The following CDH20 variants were observed in gnomAD, a reference collection of about 807,000 sequenced individuals.
The protein encoded by CDH20 is cadherin 20, also known as cadherin-20.
CDH20 carries 29 observed loss-of-function variants against 74.2 expected under a neutral mutation model. That is an observed-to-expected ratio of 0.39 (90% CI 0.29 to 0.53). CDH20 has a LOEUF of 0.53. Ranked by LOEUF, CDH20 falls within the 20% of genes least tolerant of loss-of-function variation. CDH20 has a pLI of 0.69. For synonymous variants in CDH20, 469 were observed against 405.4 expected, an observed-to-expected ratio of 1.16 and a Z score of -1.88; for missense variants, 988 against 1,048.3, an observed-to-expected ratio of 0.94 and a Z score of 0.79.
At chr18:61,477,169 T>C (rs60227458) in intron 1 of CDH20, among the ~76,000 whole-genome samples, 1,916 of 152,278 alleles carry the variant, frequency 0.013, 44 homozygotes, top group African/African-American at 0.044. Flanking sequence ...CTGCAGTCTC[T>C]AGGTCAAATA....
At chr18:61,422,746 T>C (rs917629192) in intron 1 of CDH20, among the ~76,000 whole-genome samples, 1 of 150,930 alleles carries the variant, frequency 6.6e-6, no homozygotes, top group Non-Finnish European at 1.5e-5. Context: ...TTGTTAAATG[T>C]TTTAAATATA....
intron 6 of CDH20, among the ~76,000 whole-genome samples, chr18:61,521,617 C>T (rs575793684): frequency 6.6e-6 from 1 of 151,258 alleles, no homozygotes; most frequent in Non-Finnish European, 1.5e-5. Flanking sequence ...AGAGACACAA[C>T]AAAAAAAGAA....
chr18:61,354,062 AAAAAG>A (rs1427327351), intron 1 of CDH20, among the ~76,000 whole-genome samples: 4 of 151,936 alleles, frequency 2.6e-5, no homozygotes, highest in South Asian at 2.1e-4. Context: ...AAAGAAAAAG[AAAAAG>A]AAAAGAAAAA....
At chr18:61,539,955 T>C (rs1359568763) in intron 9 of CDH20, among the ~76,000 whole-genome samples, 1 of 152,244 alleles carries the variant, frequency 6.6e-6, no homozygotes, top group Non-Finnish European at 1.5e-5. Flanking sequence ...GTGTATTTTT[T>C]AAGTATGCCC....
intron 1 of CDH20, among the ~76,000 whole-genome samples, chr18:61,461,319 TG>T (rs1218669736): frequency 7.6e-6 from 1 of 131,170 alleles, no homozygotes; most frequent in Admixed American, 7.6e-5. Context: ...TACCACAAGC[TG>T]GGTGACTTAA....
chr18:61,438,149 A>G (rs901913239), intron 1 of CDH20, among the ~76,000 whole-genome samples: 3 of 152,106 alleles, frequency 2.0e-5, no homozygotes, highest in African/African-American at 7.2e-5. Flanking sequence ...ACCTATGGCT[A>G]GTCCACCTAC....
intron 1 of CDH20, among the ~76,000 whole-genome samples, chr18:61,349,742 G>T (rs1910244183): frequency 1.3e-5 from 2 of 150,460 alleles, no homozygotes; most frequent in South Asian, 4.2e-4. Context: ...CTTCTAAATT[G>T]TCACATGCAA....
At chr18:61,544,559 G>A (rs1343820672) in intron 9 of CDH20, among the ~76,000 whole-genome samples, 3 of 152,186 alleles carry the variant, frequency 2.0e-5, no homozygotes, top group Non-Finnish European at 4.4e-5. Flanking sequence ...TCTTCCCCCG[G>A]ATTCGGGCTT....
intron 8 of CDH20, among the ~76,000 whole-genome samples, chr18:61,537,743 C>T (rs1320192179): frequency 1.3e-5 from 2 of 152,044 alleles, no homozygotes; most frequent in African/African-American, 4.8e-5. Flanking sequence ...CTTAGACAAA[C>T]ACCACTGTTA....
intron 1 of CDH20, among the ~76,000 whole-genome samples, chr18:61,384,891 C>G (rs986716823): frequency 9.9e-5 from 15 of 152,130 alleles, no homozygotes; most frequent in African/African-American, 3.6e-4. Context: ...GGGAATTTCA[C>G]AAAATTCCCA....
rs372551699 is a variant in CDH20, at chr18:61,550,123, T to A, written c.1794T>A (p.Asp598Glu). 1 of 1,614,226 alleles carries A rather than the reference T, an allele frequency of 6.2e-7. No homozygotes were observed. The highest frequency in any genetic ancestry group is 1.7e-5 in the Admixed American group (1 of 60,032). The change falls in exon 11 of 12, where the codon GAT becomes GAA. Residue 598 changes from aspartate to glutamate, a missense_variant. Physicochemically the swap from Asp to Glu is conservative, Grantham distance 45 (BLOSUM62 2). This residue lies in a region of CDH20 where 375 missense variants were observed against 293.1 expected (regional missense o/e 1.28). Coordinates refer to ENST00000262717, the MANE Select transcript of CDH20 (RefSeq NM_031891.4). ...GTLTIQVCSC[D>E]DDGHVMSCSP... ...TGACCATCCAAGTGTGCAGCTGTGATGACGACGGCCACGTCATGTCCTGCA... is the reference window on the plus strand; with the variant it reads ...TGACCATCCAAGTGTGCAGCTGTGAAGACGACGGCCACGTCATGTCCTGCA...
intron 1 of CDH20, among the ~76,000 whole-genome samples, chr18:61,433,753 G>T (rs1432693560): frequency 6.6e-6 from 1 of 152,154 alleles, no homozygotes; most frequent in Non-Finnish European, 1.5e-5. Flanking sequence ...CCTGGTGCTT[G>T]CTGTTATATT....
intron 6 of CDH20, among the ~76,000 whole-genome samples, chr18:61,516,136 G>A (rs886685614): frequency 7.9e-5 from 12 of 152,104 alleles, no homozygotes; most frequent in Non-Finnish European, 1.3e-4. Flanking sequence ...GAGAAGCAAC[G>A]CTATTTCTAA....
chr18:61,528,083 C>T lies in CDH20; in HGVS notation c.1134C>T (p.Ile378=). ...TTCAGGACACAACAACAGTGCACAT[C>T]AGTGTGGAAGACGTGGACGAGCCCC... ...GPFQDTTTVH[I]SVEDVDEPPV... The change falls in exon 7 of 12, where the codon ATC becomes ATT. Residue 378 remains isoleucine (I), a synonymous_variant. Transcript: ENST00000262717. 2 of 1,614,162 alleles carry T rather than the reference C, an allele frequency of 1.2e-6. No individual in the cohort carries two copies. The highest frequency in any genetic ancestry group is 8.5e-7 in the Non-Finnish European group (1 of 1,180,016).
intron 1 of CDH20, among the ~76,000 whole-genome samples, chr18:61,437,554 C>CT (rs1476841856): frequency 3.3e-5 from 5 of 152,132 alleles, no homozygotes; most frequent in African/African-American, 1.2e-4. Context: ...TAAGAAATAA[C>CT]TTCAACATTT....
intron 1 of CDH20, among the ~76,000 whole-genome samples, chr18:61,423,397 C>T (rs974899314): frequency 2.6e-5 from 4 of 152,088 alleles, no homozygotes; most frequent in African/African-American, 7.2e-5. Flanking sequence ...TTGTAAAGAA[C>T]TCACTTATCT....
At chr18:61,535,549 C>T (rs1326384734) in intron 7 of CDH20, among the ~76,000 whole-genome samples, 1 of 152,054 alleles carries the variant, frequency 6.6e-6, no homozygotes. Flanking sequence ...ATTGCCAAAT[C>T]AGGTTCAACA....
chr18:61,457,139 A>G (rs1203297231), intron 1 of CDH20, among the ~76,000 whole-genome samples: 1 of 151,986 alleles, frequency 6.6e-6, no homozygotes, highest in African/African-American at 2.4e-5. Flanking sequence ...GTAGAGCATC[A>G]TGTGTGTTTG....
chr18:61,490,857 T>G, intron 2 of CDH20, 58 bp downstream of exon 2: 61 of 1,521,248 alleles, frequency 4.0e-5, no homozygotes, highest in Non-Finnish European at 4.7e-5. Context: ...GAATATGAAT[T>G]GAGTATCAAA....
Sources: gnomAD v4.1 joint callset for allele counts (sites outside exome capture counted in the v4.1 genomes callset) on GRCh38, gnomAD v4.1.1 for gene constraint, gnomAD v4.1.1 regional missense constraint, MANE v1.5 for transcripts, NCBI Gene and HGNC (gene_info 2026-07-23, HGNC 2026-07-21) for gene names.